The following LSM14B variants were observed in gnomAD, a reference collection of about 807,000 sequenced individuals.
LSM14B encodes the protein LSM family member 14B, also known as protein LSM14 homolog B.
In LSM14B, 8 loss-of-function variants were observed where a neutral mutation model predicts 42.1. The ratio of observed to expected loss-of-function variants is 0.19; its 90% CI spans 0.11 to 0.34. LSM14B has a LOEUF of 0.34. LSM14B is among the 10% of genes least tolerant of loss of function. The probability of loss-of-function intolerance (pLI) is 1.00; values close to 1 mark genes in which losing one functional copy is unlikely to be tolerated. For missense variants in LSM14B, 396 were observed against 513.1 expected (o/e 0.77, Z 2.21); for synonymous variants, 219 against 209.7 (o/e 1.04, Z -0.38).
chr20:62,123,328 C>T (rs1407963980), intron 1 of LSM14B: 2 of 152,406 alleles, frequency 1.3e-5, no homozygotes, highest in Non-Finnish European at 2.9e-5. Flanking sequence ...CAGCTGGGGC[C>T]TTGATCCTGA....
At chr20:62,127,789 T>G (rs761242778) in intron 3 of LSM14B, 3 of 975,918 alleles carry the variant, frequency 3.1e-6, no homozygotes, top group African/African-American at 1.6e-5. Context: ...ACAGTAGCTG[T>G]AGCAGATCAT....
chr20:62,129,655 G>A (rs573290602), intron 3 of LSM14B, 130 bp from the exon 4 acceptor site: 20 of 1,057,668 alleles, frequency 1.9e-5, no homozygotes, highest in Middle Eastern at 2.3e-4. Context: ...GCTTTGCCTG[G>A]ATTTGATAGA....
rs1225810092 is a variant in LSM14B, at chr20:62,130,661, A to G, written c.805A>G (p.Lys269Glu). Residue 269 changes from lysine to glutamate, a missense_variant, in exon 6 of 9, where the codon AAA becomes GAA. This residue lies in a region of LSM14B where 118 missense variants were observed against 156.4 expected (regional missense o/e 0.75). Coordinates refer to ENST00000279068, the MANE Select transcript of LSM14B (RefSeq NM_144703.3). This position sits in a 1 kb window ranked among gnomAD's most constrained non-coding sequence, Gnocchi z 4.1. ...NAQFNREELDKEFKKKLNFKD... is the reference protein window; with the variant it reads ...NAQFNREELDEEFKKKLNFKD... ...CCAGTTCAACCGAGAGGAGCTTGAC[A>G]AAGAATTTAAGAAGAAACTGAATTT... 6.2e-7 allele frequency: 1 copy of G among 1,613,730 alleles called. No homozygotes were observed. Among genetic ancestry groups the G allele is most frequent in the South Asian group, 1.1e-5 (1 of 91,040 alleles).
rs924107657 is a variant in LSM14B, at chr20:62,131,486, C to T, written c.966C>T (p.Ile322=). The T allele has an allele frequency of 5.0e-6, 8 of 1,613,480 alleles. No homozygotes were observed. In the Admixed American group the frequency reaches 8.3e-5, roughly 17 times the overall value. ...YDKSKSFFDN[I]SSELKTSSRR... ...AATCCAAGTCGTTCTTCGACAACAT[C>T]TCTTCTGAACTCAAGACCAGGTGAG... The change falls in exon 7 of 9, where the codon ATC becomes ATT. Residue 322 remains isoleucine, a synonymous_variant. Transcript: ENST00000279068.
Position 62,122,768 on chromosome 20 carries a change from C to G in LSM14B, c.102C>G (p.Asp34Glu). The stretch of plus-strand genomic sequence containing the variant: ...GCATTCTCTACACCATCGACACCGA[C>G]AACTCCACCGTGGCGCTCGCCAAAG... ...YEGILYTIDT[D>E]NSTVALAKVR... is the part of the protein sequence containing the mutation. The change falls in exon 1 of 9, where the codon GAC becomes GAG. Residue 34 changes from aspartate (D) to glutamate (E), a missense_variant. Physicochemically the swap from Asp to Glu is conservative, Grantham distance 45. Transcript: ENST00000279068. The surrounding 1 kb of genome is among the most constrained non-coding windows in gnomAD (Gnocchi z 4.6). 6.6e-7 allele frequency: 1 copy of G among 1,511,786 alleles called. No homozygotes were observed. 93.6% of individuals were successfully genotyped at this position (1,511,786 alleles called of 1,614,324 possible). A position where few individuals can be genotyped will look rare whatever the true frequency, so the allele number is the denominator to read the frequency against.
intron 1 of LSM14B, among the ~76,000 whole-genome samples, chr20:62,124,267 G>T (rs891581947): frequency 5.9e-5 from 9 of 152,254 alleles, no homozygotes; most frequent in Admixed American, 6.5e-5. Flanking sequence ...CTGGCTGTTG[G>T]ATCTACAGAG....
chr20:62,134,305 C>T lies in LSM14B; in HGVS notation c.*157C>T, dbSNP rs750109839. The T allele has an allele frequency of 2.1e-6, 1 of 471,740 alleles. No individual in the cohort carries two copies. Among genetic ancestry groups the T allele is most frequent in the African/African-American group, 2.0e-5 (1 of 50,084 alleles). The allele number at this position is 471,740 out of a possible 1,614,324, so 29.2% of individuals were successfully genotyped here. The stretch of plus-strand genomic sequence containing the variant: ...TACTTGTGTTTTGGACTTAACTGAA[C>T]TTGGACATGGTCTGAGTTAGAACCA... On this transcript the variant is annotated 3_prime_UTR_variant, in exon 9 of 9. Transcript: ENST00000279068.
chr20:62,129,300 T>C (rs1228607755), intron 3 of LSM14B, among the ~76,000 whole-genome samples: 1 of 152,240 alleles, frequency 6.6e-6, no homozygotes, highest in Non-Finnish European at 1.5e-5. Context: ...CTTCAGAATT[T>C]GTTCACTGCA....
At chr20:62,129,667 C>CAT (rs575356534) in intron 3 of LSM14B, 118 bp from the exon 4 acceptor site, 11,588 of 1,116,618 alleles carry the variant, frequency 0.01, 110 homozygotes, top group Middle Eastern at 0.022. Context: ...TTTGATAGAA[C>CAT]ATCTAGGCAG....
rs2056744586 is a variant in LSM14B, at chr20:62,130,782, G to A, written c.835+91G>A. ...TGCCTGGCCGGGTGTGGTGGTTCAC[G>A]CCTGTAATCTCAGCACTTTGGGAGG... On this transcript the variant is annotated intron_variant, in intron 6 of 8. Coordinates refer to ENST00000279068, the MANE Select transcript of LSM14B (RefSeq NM_144703.3). The surrounding 1 kb of genome is among the most constrained non-coding windows in gnomAD (Gnocchi z 4.1). The A allele has an allele frequency of 8.9e-6, 12 of 1,344,616 alleles. No individual in the cohort carries two copies. The highest frequency in any genetic ancestry group is 1.2e-5 in the Non-Finnish European group (12 of 990,700). 83.3% of individuals were successfully genotyped at this position (1,344,616 alleles called of 1,614,324 possible).
chr20:62,124,751 A>T lies in LSM14B; in HGVS notation c.262A>T (p.Thr88Ser). 6.2e-7 allele frequency: 1 copy of T among 1,613,576 alleles called. No homozygotes were observed. The highest frequency in any genetic ancestry group is 8.5e-7 in the Non-Finnish European group (1 of 1,179,750). ...GTGTGAACCTCCGAAAGCTCAGCAC[A>T]CACTCCCGCAGGATCCCGCCATTGT... ...TVCEPPKAQH[T>S]LPQDPAIVQS... Residue 88 changes from threonine to serine, a missense_variant, in exon 2 of 9, where the codon ACA (threonine) becomes TCA (serine). Transcript: ENST00000279068.
rs1304617330 is a variant in LSM14B at position 62,130,044 on chromosome 20, A to G, written c.595+92A>G. 7.0e-7 allele frequency: 1 copy of G among 1,423,474 alleles called. No individual in the cohort carries two copies. Among genetic ancestry groups the G allele is most frequent in the Non-Finnish European group, 9.3e-7 (1 of 1,070,392 alleles). 88.2% of individuals were successfully genotyped at this position (1,423,474 alleles called of 1,614,324 possible). ...TATTTTTTTTTTTTTAATTAAAAAAATACTACTCCCCCATCCTAAGCCCCA... is the reference window on the plus strand; with the variant it reads ...TATTTTTTTTTTTTTAATTAAAAAAGTACTACTCCCCCATCCTAAGCCCCA... On this transcript the variant is annotated intron_variant, in intron 4 of 8. Coordinates refer to ENST00000279068, the MANE Select transcript of LSM14B (RefSeq NM_144703.3). This position sits in a 1 kb window ranked among gnomAD's most constrained non-coding sequence, Gnocchi z 4.1.
At chr20:62,127,692 A>G (rs1343715831) in intron 3 of LSM14B, 6 of 1,549,780 alleles carry the variant, frequency 3.9e-6, no homozygotes, top group Non-Finnish European at 3.5e-6. Context: ...ACAGCAGCTC[A>G]CTGCCAAGGG....
rs1039506974 is a variant in LSM14B at position 62,134,392 on chromosome 20, T to C, written c.*244T>C. 2.2e-5 allele frequency: 10 copies of C among 456,250 alleles called. No individual in the cohort carries two copies. Among genetic ancestry groups the C allele is most frequent in the African/African-American group, 2.0e-4 (10 of 49,152 alleles). The allele number at this position is 456,250 out of a possible 1,614,324, so 28.3% of individuals were successfully genotyped here. ...AGGTCTCTTTATCTGTGTTTCCTTT[T>C]TAGTTGCGCATAGCCTAATTCTAAG... On this transcript the variant is annotated 3_prime_UTR_variant, in exon 9 of 9. Transcript: ENST00000279068.
chr20:62,128,529 C>T (rs1006655146), intron 3 of LSM14B, among the ~76,000 whole-genome samples: 8 of 152,130 alleles, frequency 5.3e-5, no homozygotes, highest in Non-Finnish European at 1.2e-4. Flanking sequence ...ACAGATACTT[C>T]TATTGCTCTT....
chr20:62,125,944 C>T (rs1157978627), intron 2 of LSM14B, among the ~76,000 whole-genome samples: 4 of 152,188 alleles, frequency 2.6e-5, no homozygotes, highest in Non-Finnish European at 5.9e-5. Context: ...TCTGTAATCT[C>T]AGCTACTCGG....
rs775331990 is a variant in LSM14B at position 62,130,608 on chromosome 20, G to T, written c.752G>T (p.Gly251Val). ...AAGGAAAACACAATCAAATTTGAGG[G>T]TGACTTTGATTTCGAGAGTGCAAAT... Reference protein sequence around the residue: ...NVKENTIKFEGDFDFESANAQ... With the variant: ...NVKENTIKFEVDFDFESANAQ... The change falls in exon 6 of 9, where the codon GGT becomes GTT. Residue 251 changes from glycine to valine, a missense_variant. By Grantham distance (109) the Gly-to-Val change is moderately radical. Transcript: ENST00000279068. The surrounding 1 kb of genome is among the most constrained non-coding windows in gnomAD (Gnocchi z 4.1). 8 of 1,613,840 alleles carry T rather than the reference G, an allele frequency of 5.0e-6. No homozygotes were observed. In the Admixed American group the frequency reaches 1.3e-4, roughly 27 times the overall value.
chr20:62,127,965 C>A, intron 3 of LSM14B: 1 of 631,446 alleles, frequency 1.6e-6, no homozygotes. Context: ...CTACCACATA[C>A]GGGAAACTTC....
In LSM14B at chr20:62,122,799, G is replaced by T; in HGVS notation, c.127+6G>T. 6.7e-7 allele frequency: 1 copy of T among 1,492,982 alleles called. No homozygotes were observed. Among genetic ancestry groups the T allele is most frequent in the Non-Finnish European group, 9.0e-7 (1 of 1,113,464 alleles). 92.5% of individuals were successfully genotyped at this position (1,492,982 alleles called of 1,614,324 possible). On this transcript the variant is annotated splice_donor_region_variant and intron_variant, in intron 1 of 8. Coordinates refer to ENST00000279068, the MANE Select transcript of LSM14B (RefSeq NM_144703.3). This position sits in a 1 kb window ranked among gnomAD's most constrained non-coding sequence, Gnocchi z 4.6. ...CACCGTGGCGCTCGCCAAAGGTAGC[G>T]GCCGCCGCCCGCCCGAGCCCGCTGA... is the stretch of plus-strand genomic sequence containing the variant.
Sources: gnomAD v4.1 joint callset for allele counts (sites outside exome capture counted in the v4.1 genomes callset) on GRCh38, gnomAD v4.1.1 for gene constraint, gnomAD v4.1.1 regional missense constraint, Gnocchi (gnomAD v3.1) non-coding constraint, MANE v1.5 for transcripts, NCBI Gene and HGNC (gene_info 2026-07-23, HGNC 2026-07-21) for gene names.